The following RASSF3 variants were observed in gnomAD, a reference collection of about 807,000 sequenced individuals.
RASSF3 encodes the protein Ras association domain family member 3.
RASSF3 carries 19 observed loss-of-function variants against 19.9 expected under a neutral mutation model. The observed-to-expected ratio is 0.96, with a 90% CI of 0.67 to 1.40. The LOEUF (loss-of-function observed/expected upper bound fraction) is 1.40. Among genes scored for constraint, RASSF3 ranks in the 40% most tolerant of loss-of-function variants. The pLI is 0.00. For missense variants in RASSF3, 306 were observed against 289.8 expected (o/e 1.06, Z -0.41); for synonymous variants, 110 against 104.2 (o/e 1.06, Z -0.34).
chr12:64,559,401 A>G (rs1300784279), intron 2 of RASSF3, among the ~76,000 whole-genome samples: 2 of 132,886 alleles, frequency 1.5e-5, no homozygotes, highest in Non-Finnish European at 3.2e-5. Context: ...CTGCCACCAA[A>G]CCTGGCTAAT....
chr12:64,521,365 C>T (rs929748663), intron 1 of RASSF3, among the ~76,000 whole-genome samples: 3 of 152,148 alleles, frequency 2.0e-5, no homozygotes, highest in Admixed American at 2.0e-4. Context: ...AGATTAAGAT[C>T]CCAATGTCAG....
chr12:64,616,433 T>G (rs1870553708), intron 1 of RASSF3, among the ~76,000 whole-genome samples: 1 of 152,232 alleles, frequency 6.6e-6, no homozygotes, highest in African/African-American at 2.4e-5. Context: ...AAATACTTTC[T>G]AGTGTGGCCT....
chr12:64,667,666 A>C (rs974458926), intron 1 of RASSF3, among the ~76,000 whole-genome samples: 2 of 152,206 alleles, frequency 1.3e-5, no homozygotes, highest in Admixed American at 1.3e-4. Flanking sequence ...GACAGGAGTA[A>C]GGTGGTCTTC....
At chr12:64,597,430 CTATTTTATTTTT>C (rs1346465480) in intron 2 of RASSF3, among the ~76,000 whole-genome samples, 3 of 151,634 alleles carry the variant, frequency 2.0e-5, no homozygotes, top group Admixed American at 6.6e-5. Context: ...GGCACCCGGC[CTATTTTATTTTT>C]TATTTTATTT....
At chr12:64,615,840 A>G (rs565070735) in intron 1 of RASSF3, among the ~76,000 whole-genome samples, 10 of 151,710 alleles carry the variant, frequency 6.6e-5, no homozygotes, top group Non-Finnish European at 1.3e-4. Flanking sequence ...TGCCTGGCTA[A>G]TTTTTTGTAT....
chr12:64,616,106 G>A (rs752393444), intron 1 of RASSF3, among the ~76,000 whole-genome samples: 1 of 152,136 alleles, frequency 6.6e-6, no homozygotes, highest in Admixed American at 6.6e-5. Flanking sequence ...GTTCTTACAC[G>A]ATATTAATCC....
chr12:64,560,599 C>G (rs147134499), intron 2 of RASSF3, among the ~76,000 whole-genome samples: 3 of 152,182 alleles, frequency 2.0e-5, no homozygotes, highest in Non-Finnish European at 4.4e-5. Context: ...ATCCACGCCC[C>G]GTATATCATT....
intron 1 of RASSF3, among the ~76,000 whole-genome samples, chr12:64,511,349 G>A (rs1469579697): frequency 6.6e-6 from 1 of 152,138 alleles, no homozygotes; most frequent in Non-Finnish European, 1.5e-5. Context: ...AGACGTGGTG[G>A]TGTGCACCTG....
rs534429130 is a variant in RASSF3, at chr12:64,554,647, G to A, written c.294+12942G>A. Among the ~76,000 whole-genome samples the A allele has an allele frequency of 2.6e-5, 4 of 152,296 alleles. No homozygotes were observed. In the East Asian group the frequency reaches 7.7e-4, roughly 29 times the overall value. ...AGAAAGGGGAAAAGGATCAGAGACT[G>A]AGAGTACAGACAATTCTTTCAAGGA... On this transcript the variant is annotated intron_variant, in intron 2 of 5. Transcript: ENST00000637125.
intron 1 of RASSF3, among the ~76,000 whole-genome samples, chr12:64,612,838 A>T (rs548311413): frequency 4.1e-4 from 63 of 152,248 alleles, no homozygotes; most frequent in Admixed American, 2.4e-3. Flanking sequence ...TATTATACTC[A>T]GGGTAGTATT....
At chr12:64,677,927 C>T (rs1216841576) in intron 1 of RASSF3, among the ~76,000 whole-genome samples, 1 of 152,228 alleles carries the variant, frequency 6.6e-6, no homozygotes, top group South Asian at 2.1e-4. Flanking sequence ...ACACTGCTTG[C>T]TCTGTAGCTC....
At chr12:64,614,614 T>C (rs1173854331) in intron 1 of RASSF3, among the ~76,000 whole-genome samples, 1 of 152,146 alleles carries the variant, frequency 6.6e-6, no homozygotes, top group African/African-American at 2.4e-5. Flanking sequence ...ACTTTTTAGC[T>C]ATAAAAATAA....
chr12:64,637,258 G>A (rs1374602098), intron 1 of RASSF3, among the ~76,000 whole-genome samples: 1 of 152,180 alleles, frequency 6.6e-6, no homozygotes, highest in Non-Finnish European at 1.5e-5. Context: ...TTTGGGTTTT[G>A]AAAGGATAGA....
intron 1 of RASSF3, among the ~76,000 whole-genome samples, chr12:64,636,746 A>G (rs767567921): frequency 1.3e-5 from 2 of 151,888 alleles, no homozygotes; most frequent in African/African-American, 2.4e-5. Flanking sequence ...CATGCCTGTA[A>G]TCCCAGCCAC....
chr12:64,554,088 C>T (rs78766217), intron 2 of RASSF3, among the ~76,000 whole-genome samples: 3,218 of 152,152 alleles, frequency 0.021, 119 homozygotes, highest in African/African-American at 0.074. Flanking sequence ...CCCATTGGCC[C>T]AGTTTCTGAT....
intron 3 of RASSF3, among the ~76,000 whole-genome samples, chr12:64,689,220 G>GGT (rs10688391): frequency 0.15 from 21,406 of 147,424 alleles, 2,147 homozygotes; most frequent in African/African-American, 0.3. Flanking sequence ...TTGAAATCGG[G>GGT]GTGTGTGTGT....
At chr12:64,618,935 A>T (rs1052754180) in intron 1 of RASSF3, among the ~76,000 whole-genome samples, 1 of 152,192 alleles carries the variant, frequency 6.6e-6, no homozygotes, top group African/African-American at 2.4e-5. Context: ...TAATAAAAAA[A>T]AAGAAAGAAT....
At chr12:64,597,921 T>C (rs1240171904) in intron 2 of RASSF3, among the ~76,000 whole-genome samples, 2 of 151,938 alleles carry the variant, frequency 1.3e-5, no homozygotes, top group African/African-American at 4.8e-5. Context: ...CCAAATCTTT[T>C]ATTTATTTTG....
At chr12:64,526,600 G>A (rs931491694) in intron 1 of RASSF3, among the ~76,000 whole-genome samples, 4 of 151,930 alleles carry the variant, frequency 2.6e-5, no homozygotes, top group Admixed American at 6.6e-5. Flanking sequence ...CTGTAGTGTA[G>A]TGGTGTGATC....
Sources: gnomAD v4.1 joint callset for allele counts (sites outside exome capture counted in the v4.1 genomes callset) on GRCh38, gnomAD v4.1.1 for gene constraint, MANE v1.5 for transcripts, NCBI Gene and HGNC (gene_info 2026-07-23, HGNC 2026-07-21) for gene names.